ADAMTS17: variants seen among roughly 807,000 people sequenced by gnomAD.
ADAMTS17 encodes A disintegrin and metalloproteinase with thrombospondin motifs 17.
A neutral mutation model predicts 141.5 loss-of-function variants in ADAMTS17; 113 were observed. That is an observed-to-expected ratio of 0.80 (90% CI 0.69 to 0.93). ADAMTS17 has a LOEUF of 0.93. Ranked by LOEUF, ADAMTS17 falls within the 40% of genes least tolerant of loss-of-function variation. ADAMTS17 has a pLI of 0.00. For missense variants in ADAMTS17, 1,659 were observed against 1,517.9 expected, an observed-to-expected ratio of 1.09 and a Z score of -1.54; for synonymous variants, 768 against 630.6, an observed-to-expected ratio of 1.22 and a Z score of -3.27.
At chr15:100,045,083 A>G (rs989019160) in intron 18 of ADAMTS17, among the ~76,000 whole-genome samples, 1 of 152,146 alleles carries the variant, frequency 6.6e-6, no homozygotes, top group African/African-American at 2.4e-5. Flanking sequence ...GTGGGATTAC[A>G]GGTATGAGCC....
chr15:100,064,279 G>A (rs2033356626), intron 15 of ADAMTS17, among the ~76,000 whole-genome samples: 1 of 152,168 alleles, frequency 6.6e-6, no homozygotes, highest in Non-Finnish European at 1.5e-5. Flanking sequence ...CCTCCCTCGT[G>A]ACCTGCAGAA....
intron 8 of ADAMTS17, among the ~76,000 whole-genome samples, chr15:100,162,441 CATAT>C (rs1341060196): frequency 2.2e-5 from 3 of 134,850 alleles, no homozygotes; most frequent in East Asian, 2.2e-4. Context: ...TATATATACA[CATAT>C]AGTTATATAT....
Position 100,209,280 on chromosome 15 carries a change from G to T in ADAMTS17, c.1076-9857C>A, listed in dbSNP as rs188648484. Among the ~76,000 whole-genome samples, 273 of 152,268 alleles carry T rather than the reference G, an allele frequency of 1.8e-3. 1 individual carries two copies. Among genetic ancestry groups the T allele is most frequent in the African/African-American group, 5.9e-3 (245 of 41,560 alleles). On this transcript the variant is annotated intron_variant, in intron 7 of 21. Coordinates refer to ENST00000268070, the MANE Select transcript of ADAMTS17 (RefSeq NM_139057.4). ...GGTAAGCTCTTTCAATCTACACGTTGTTCTAGACACCTCTCGGGGCCCTGC... is the reference window on the plus strand; with the variant it reads ...GGTAAGCTCTTTCAATCTACACGTTTTTCTAGACACCTCTCGGGGCCCTGC...
rs141057146 is a variant in ADAMTS17 at position 100,261,517 on chromosome 15, G to A, written c.993C>T (p.Asp331=). 89 of 1,614,000 alleles carry A rather than the reference G, an allele frequency of 5.5e-5. No individual in the cohort carries two copies. Among genetic ancestry groups the A allele is most frequent in the Non-Finnish European group, 7.1e-5 (84 of 1,180,036 alleles). The change falls in exon 6 of 22, where the codon GAC becomes GAT. Residue 331 remains aspartate (D), a synonymous_variant. Transcript: ENST00000268070. ...LGNNQVPGGK[D]DPPLVDAAVF... Reference sequence around the variant, plus strand: ...CGGCAGCATCCACCAGGGGCGGGTCGTCCTTCCCGCCGGGAACCTGGTTAT... The same window carrying A: ...CGGCAGCATCCACCAGGGGCGGGTCATCCTTCCCGCCGGGAACCTGGTTAT...
At chr15:100,155,799 G>C (rs188399468) in intron 8 of ADAMTS17, among the ~76,000 whole-genome samples, 4 of 152,302 alleles carry the variant, frequency 2.6e-5, no homozygotes, top group Admixed American at 2.6e-4. Context: ...TACAGAGTAT[G>C]GCTTTTCTAT....
chr15:100,108,871 C>G, intron 14 of ADAMTS17, 118 bp downstream of exon 14: 1 of 1,567,182 alleles, frequency 6.4e-7, no homozygotes. Context: ...TGGGTGCCTT[C>G]CTAAGAAAAT....
intron 3 of ADAMTS17, among the ~76,000 whole-genome samples, chr15:100,310,267 G>A (rs913958175): frequency 2.0e-5 from 3 of 152,166 alleles, no homozygotes; most frequent in Admixed American, 6.5e-5. Flanking sequence ...AGCTGTGCCC[G>A]CTGTCGACCA....
At chr15:100,230,421 C>T (rs2042443523) in intron 7 of ADAMTS17, among the ~76,000 whole-genome samples, 1 of 152,138 alleles carries the variant, frequency 6.6e-6, no homozygotes. Flanking sequence ...GTCATCCATG[C>T]CATAGACACA....
At chr15:100,058,099 C>G (rs962974406) in intron 15 of ADAMTS17, among the ~76,000 whole-genome samples, 1 of 151,556 alleles carries the variant, frequency 6.6e-6, no homozygotes, top group Non-Finnish European at 1.5e-5. Context: ...CACTCCACCC[C>G]TGCCTCAAAC....
At chr15:100,169,785 T>C (rs139790233) in intron 8 of ADAMTS17, among the ~76,000 whole-genome samples, 1,942 of 152,286 alleles carry the variant, frequency 0.013, 23 homozygotes, top group Non-Finnish European at 0.02. Flanking sequence ...CGGGGGCATC[T>C]GGTCACGGGG....
intron 3 of ADAMTS17, among the ~76,000 whole-genome samples, chr15:100,329,846 T>G (rs1174516716): frequency 6.6e-6 from 1 of 152,186 alleles, no homozygotes; most frequent in African/African-American, 2.4e-5. Flanking sequence ...ACTGCAAAAC[T>G]TGTTTACAAA....
rs12101687 is a variant in ADAMTS17 at position 100,230,451 on chromosome 15, A to G, written c.1075+23685T>C. Among the ~76,000 whole-genome samples the G allele has an allele frequency of 4.7e-3, 709 of 152,288 alleles. 6 individuals are homozygous for G. The highest frequency in any genetic ancestry group is 0.02 in the Middle Eastern group (6 of 294). ...GACACACGAGCTAATTCCAAACCTCACAGCAGGGAGGGATCTGAGGCCAGC... is the reference window on the plus strand; with the variant it reads ...GACACACGAGCTAATTCCAAACCTCGCAGCAGGGAGGGATCTGAGGCCAGC... On this transcript the variant is annotated intron_variant, in intron 7 of 21. Coordinates refer to ENST00000268070, the MANE Select transcript of ADAMTS17 (RefSeq NM_139057.4).
intron 18 of ADAMTS17, among the ~76,000 whole-genome samples, chr15:100,035,405 T>G (rs1009996317): frequency 6.6e-6 from 1 of 152,232 alleles, no homozygotes; most frequent in Admixed American, 6.5e-5. Context: ...GAGGAAAGAC[T>G]TACCCTGTCT....
chr15:100,020,595 C>A (rs12911284), intron 18 of ADAMTS17, among the ~76,000 whole-genome samples: 91,408 of 152,090 alleles, frequency 0.6, 29,476 homozygotes, highest in Non-Finnish European at 0.74. Context: ...AGGTGACCCT[C>A]CGTGGGTCTA....
intron 8 of ADAMTS17, among the ~76,000 whole-genome samples, chr15:100,167,055 T>C (rs4453457): frequency 0.021 from 3,207 of 152,356 alleles, 136 homozygotes; most frequent in East Asian, 0.18. Flanking sequence ...CACGTGTGGC[T>C]ACTAAGAGTT....
intron 3 of ADAMTS17, chr15:100,306,683 C>A: frequency 2.4e-6 from 1 of 423,376 alleles, no homozygotes. Flanking sequence ...GGTAGCTCAT[C>A]GTGCAGCAAC....
chr15:100,090,548 G>A (rs766901681), intron 15 of ADAMTS17, among the ~76,000 whole-genome samples: 44 of 152,234 alleles, frequency 2.9e-4, no homozygotes, highest in East Asian at 3.9e-4. Flanking sequence ...AAAGACATCC[G>A]TTTTCTGTCT....
At chr15:100,235,752 C>T (rs1211379585) in intron 7 of ADAMTS17, among the ~76,000 whole-genome samples, 1 of 152,172 alleles carries the variant, frequency 6.6e-6, no homozygotes, top group Admixed American at 6.5e-5. Context: ...GTGCTGGGGG[C>T]ACTGAAACAA....
At chr15:100,102,054 A>G (rs2036132902) in intron 14 of ADAMTS17, among the ~76,000 whole-genome samples, 1 of 152,200 alleles carries the variant, frequency 6.6e-6, no homozygotes, top group Admixed American at 6.5e-5. Flanking sequence ...CATGCATGGA[A>G]AATAGAATTT....
Sources: gnomAD v4.1 joint callset for allele counts (sites outside exome capture counted in the v4.1 genomes callset) on GRCh38, gnomAD v4.1.1 for gene constraint, MANE v1.5 for transcripts, NCBI Gene and HGNC (gene_info 2026-07-23, HGNC 2026-07-21) for gene names.